The following RBM25 variants were observed in gnomAD, a reference collection of about 807,000 sequenced individuals.
RBM25 encodes RNA binding motif protein 25, also known as RNA-binding protein 25.
A neutral mutation model predicts 120.7 loss-of-function variants in RBM25; 19 were observed. The ratio of observed to expected loss-of-function variants is 0.16; its 90% CI spans 0.11 to 0.23. The LOEUF is 0.23. RBM25 is among the 10% of genes least tolerant of loss of function. The pLI is 1.00. For synonymous variants in RBM25, 390 were observed against 326.7 expected, an observed-to-expected ratio of 1.19 and a Z score of -2.09; for missense variants, 605 against 1,041.5, an observed-to-expected ratio of 0.58 and a Z score of 5.77.
intron 18 of RBM25, among the ~76,000 whole-genome samples, chr14:73,119,445 T>C (rs1896501293): frequency 6.6e-6 from 1 of 152,078 alleles, no homozygotes; most frequent in South Asian, 2.1e-4. Flanking sequence ...TTTTGTATTT[T>C]TAGTAGAGAT....
chr14:73,115,550 A>G (rs149964804), intron 18 of RBM25, among the ~76,000 whole-genome samples: 2 of 152,194 alleles, frequency 1.3e-5, no homozygotes, highest in African/African-American at 2.4e-5. Flanking sequence ...TGCTTTTTGG[A>G]CAGGTATCCA....
chr14:73,121,447 A>G lies in RBM25; in HGVS notation c.*1642A>G, dbSNP rs546460420. 22 of 152,728 alleles carry G rather than the reference A, an allele frequency of 1.4e-4. No homozygotes were observed. Among genetic ancestry groups the G allele is most frequent in the Non-Finnish European group, 2.1e-4 (14 of 68,020 alleles). 9.5% of individuals were successfully genotyped at this position (152,728 alleles called of 1,614,324 possible). On this transcript the variant is annotated 3_prime_UTR_variant, in exon 19 of 19. Transcript: ENST00000261973. ...TTGATTTTTATGACTATTGGTATCT[A>G]AAGGTCAAGGAAGCCATTTACATTA...
intron 12 of RBM25, among the ~76,000 whole-genome samples, chr14:73,106,602 T>C (rs1896193457): frequency 6.6e-6 from 1 of 152,158 alleles, no homozygotes; most frequent in Non-Finnish European, 1.5e-5. Context: ...GAACTGTTGT[T>C]ATTAGATATA....
chr14:73,103,810 T>C (rs1346419318), intron 10 of RBM25, among the ~76,000 whole-genome samples: 1 of 151,948 alleles, frequency 6.6e-6, no homozygotes, highest in Non-Finnish European at 1.5e-5. Context: ...TGCCTCAGCC[T>C]CCCTAAGTGC....
At chr14:73,071,351 A>T (rs957823402) in intron 1 of RBM25, among the ~76,000 whole-genome samples, 1 of 151,614 alleles carries the variant, frequency 6.6e-6, no homozygotes, top group African/African-American at 2.4e-5. Flanking sequence ...ATTTTTGGAT[A>T]TTAACTGAAC....
intron 17 of RBM25, among the ~76,000 whole-genome samples, 187 bp downstream of exon 17, chr14:73,112,437 A>G (rs1262724448): frequency 6.6e-6 from 1 of 151,762 alleles, no homozygotes; most frequent in Admixed American, 6.6e-5. Flanking sequence ...ACTGCAGTGG[A>G]TGCAGATTTA....
chr14:73,091,286 G>T (rs1182054119), intron 6 of RBM25, among the ~76,000 whole-genome samples: 3 of 152,120 alleles, frequency 2.0e-5, no homozygotes, highest in Non-Finnish European at 4.4e-5. Flanking sequence ...GTGTGGGGTG[G>T]TGTGATCTCT....
At position 73,068,539 on chromosome 14, in the gene RBM25, A is replaced by G. The variant is rs1260944762; in HGVS notation, c.-15-3088A>G. 7 of 738,596 alleles carry G rather than the reference A, an allele frequency of 9.5e-6. No individual in the cohort carries two copies. In the East Asian group the frequency reaches 2.3e-4, roughly 24 times the overall value. 45.8% of individuals were successfully genotyped at this position (738,596 alleles called of 1,614,324 possible). ...ATTCCTTTAGTGGTTTTAACATTAG[A>G]TGACCAATTCTTTGGCACTGATGTG... On this transcript the variant is annotated intron_variant, in intron 1 of 18. Coordinates refer to ENST00000261973, the MANE Select transcript of RBM25 (RefSeq NM_021239.3).
chr14:73,076,469 A>G, intron 3 of RBM25, 101 bp downstream of exon 3: 2 of 1,082,286 alleles, frequency 1.8e-6, no homozygotes, highest in Non-Finnish European at 2.8e-6. Flanking sequence ...ATTTAAAAGA[A>G]TAACAAGGAC....
chr14:73,080,079 CA>C (rs1286611852), intron 4 of RBM25, among the ~76,000 whole-genome samples: 2 of 150,350 alleles, frequency 1.3e-5, no homozygotes, highest in African/African-American at 4.9e-5. Flanking sequence ...AAAAGATTCT[CA>C]TCACAAATTC....
chr14:73,083,388 T>C, intron 4 of RBM25, 106 bp from the exon 5 acceptor site: 1 of 902,244 alleles, frequency 1.1e-6, no homozygotes, highest in South Asian at 2.0e-5. Flanking sequence ...GCTGGTTTTT[T>C]ATTTTATGTT....
chr14:73,099,202 G>T (rs1198515044), intron 7 of RBM25, among the ~76,000 whole-genome samples, 178 bp from the exon 8 acceptor site: 2 of 152,130 alleles, frequency 1.3e-5, no homozygotes, highest in African/African-American at 4.8e-5. Flanking sequence ...GGTAGTGTGT[G>T]ATCAGTTATT....
At position 73,084,201 on chromosome 14, in the gene RBM25, A is replaced by T. The variant is rs143796716; in HGVS notation, c.382+650A>T. On this transcript the variant is annotated intron_variant, in intron 5 of 18. Transcript: ENST00000261973. Reference sequence around the variant, plus strand: ...GCAGGAGCCACCACACCTGACCTCAAATGTTAATTTTTTAAATAGTTGATT... The same window carrying T: ...GCAGGAGCCACCACACCTGACCTCATATGTTAATTTTTTAAATAGTTGATT... Among the ~76,000 whole-genome samples the T allele has an allele frequency of 5.3e-5, 8 of 152,174 alleles. No homozygotes were observed. In the East Asian group the frequency reaches 1.5e-3, roughly 29 times the overall value.
At chr14:73,090,663 C>G (rs549877266) in intron 6 of RBM25, among the ~76,000 whole-genome samples, 7 of 152,294 alleles carry the variant, frequency 4.6e-5, no homozygotes, top group Admixed American at 3.3e-4. Context: ...TTATATATCT[C>G]TCTCTTTCAC....
chr14:73,068,534 A>G lies in RBM25; in HGVS notation c.-15-3093A>G, dbSNP rs992475299. 5 of 757,896 alleles carry G rather than the reference A, an allele frequency of 6.6e-6. No individual in the cohort carries two copies. In the Admixed American group the frequency reaches 7.4e-5, roughly 11 times the overall value. The allele number at this position is 757,896 out of a possible 1,614,324, so 46.9% of individuals were successfully genotyped here. The stretch of plus-strand genomic sequence containing the variant: ...TTCAAATTCCTTTAGTGGTTTTAAC[A>G]TTAGATGACCAATTCTTTGGCACTG... On this transcript the variant is annotated intron_variant, in intron 1 of 18. Coordinates refer to ENST00000261973, the MANE Select transcript of RBM25 (RefSeq NM_021239.3).
intron 18 of RBM25, among the ~76,000 whole-genome samples, chr14:73,118,564 GTTC>G (rs756866392): frequency 3.9e-5 from 6 of 151,952 alleles, no homozygotes; most frequent in African/African-American, 1.2e-4. Context: ...ATATTATTTA[GTTC>G]TTCTTAAATT....
chr14:73,066,259 C>A (rs1423669596), intron 1 of RBM25, among the ~76,000 whole-genome samples: 1 of 152,118 alleles, frequency 6.6e-6, no homozygotes, highest in Non-Finnish European at 1.5e-5. Context: ...GTCTTGCAAT[C>A]TTGTGTTTTT....
Position 73,122,368 on chromosome 14 carries a change from C to T in RBM25, c.*2563C>T, listed in dbSNP as rs1026390224. 8 of 151,758 alleles carry T rather than the reference C, an allele frequency of 5.3e-5. No homozygotes were observed. The highest frequency in any genetic ancestry group is 2.0e-4 in the Admixed American group (3 of 15,232). The allele number at this position is 151,758 out of a possible 1,614,324, so 9.4% of individuals were successfully genotyped here. ...TCAGCTCACTTCAACTTCCGCCTCC[C>T]GGGTTCTGGAGATATTCTGCTTCAG... On this transcript the variant is annotated 3_prime_UTR_variant, in exon 19 of 19. Coordinates refer to ENST00000261973, the MANE Select transcript of RBM25 (RefSeq NM_021239.3).
intron 1 of RBM25, among the ~76,000 whole-genome samples, chr14:73,069,373 AG>A (rs1895220421): frequency 6.6e-6 from 1 of 152,230 alleles, no homozygotes; most frequent in Non-Finnish European, 1.5e-5. Context: ...AGGAAGTGGA[AG>A]ACTTAAACTT....
Sources: gnomAD v4.1 joint callset for allele counts (sites outside exome capture counted in the v4.1 genomes callset) on GRCh38, gnomAD v4.1.1 for gene constraint, MANE v1.5 for transcripts, NCBI Gene and HGNC (gene_info 2026-07-23, HGNC 2026-07-21) for gene names.